Variants in SPHKAP observed in about 807,000 individuals in gnomAD.
SPHKAP encodes the protein A-kinase anchor protein SPHKAP.
A neutral mutation model predicts 137.5 loss-of-function variants in SPHKAP; 67 were observed. That is an observed-to-expected ratio of 0.49 (90% confidence interval 0.40 to 0.60). The LOEUF is 0.60. Ranked by LOEUF, SPHKAP falls within the 20% of genes least tolerant of loss-of-function variation. The pLI is 0.00. For synonymous variants in SPHKAP, 813 were observed against 785.3 expected (o/e 1.04, Z -0.59); for missense variants, 2,097 against 2,069.3 (o/e 1.01, Z -0.26).
intron 1 of SPHKAP, among the ~76,000 whole-genome samples, chr2:228,140,447 T>C (rs188184278): frequency 1.3e-5 from 2 of 152,282 alleles, no homozygotes; most frequent in African/African-American, 2.4e-5. Flanking sequence ...GATACTCTGA[T>C]ATATGATCTT....
rs1002327483 is a variant in SPHKAP, at chr2:227,991,157, G to C, written c.4802C>G (p.Thr1601Arg). ...CAGCAGGCTCCTCTGGGGGCTGGCT[G>C]TTCCCGTAGGCGGTCCAGATGCAGG... is the stretch of plus-strand genomic sequence containing the variant. ...EAPASGPPTG[T>R]ASPQRSLLVI... Residue 1601 changes from threonine to arginine, a missense_variant, in exon 11 of 12, where the codon ACA becomes AGA. Coordinates refer to ENST00000392056, the MANE Select transcript of SPHKAP (RefSeq NM_001142644.2). 9 of 1,614,080 alleles carry C rather than the reference G, an allele frequency of 5.6e-6. No homozygotes were observed. The highest frequency in any genetic ancestry group is 5.5e-5 in the South Asian group (5 of 91,078).
At chr2:228,070,022 C>T (rs745379090) in intron 3 of SPHKAP, among the ~76,000 whole-genome samples, 6 of 152,160 alleles carry the variant, frequency 3.9e-5, no homozygotes, top group Non-Finnish European at 7.3e-5. Context: ...AAAAGGGGGA[C>T]TTATCTGTCC....
At chr2:228,013,079 T>C (rs138052923) in intron 7 of SPHKAP, among the ~76,000 whole-genome samples, 1 of 152,214 alleles carries the variant, frequency 6.6e-6, no homozygotes, top group East Asian at 1.9e-4. Flanking sequence ...TGTTTGTGTA[T>C]AAGGGAGTAG....
intron 3 of SPHKAP, among the ~76,000 whole-genome samples, chr2:228,062,988 A>C (rs1302142124): frequency 2.6e-5 from 4 of 152,230 alleles, no homozygotes. Flanking sequence ...TATTGAGTAC[A>C]GAAGAAATTA....
intron 3 of SPHKAP, among the ~76,000 whole-genome samples, chr2:228,031,828 C>G (rs187966137): frequency 2.6e-4 from 40 of 152,348 alleles, no homozygotes; most frequent in African/African-American, 8.9e-4. Context: ...AGGGTCCTGT[C>G]TGCTAGAAGG....
intron 1 of SPHKAP, among the ~76,000 whole-genome samples, chr2:228,176,374 T>G (rs547746161): frequency 8.5e-5 from 13 of 152,112 alleles, no homozygotes; most frequent in African/African-American, 3.1e-4. Context: ...CAAGGGAGAG[T>G]CCCTGCTACA....
chr2:227,982,280 C>G, intron 11 of SPHKAP: 1 of 985,202 alleles, frequency 1.0e-6, no homozygotes, highest in Non-Finnish European at 1.2e-6. Flanking sequence ...AAATTTAGGC[C>G]AAATAAATCA....
intron 2 of SPHKAP, among the ~76,000 whole-genome samples, chr2:228,113,774 G>A (rs1698606969): frequency 6.6e-6 from 1 of 151,850 alleles, no homozygotes; most frequent in Non-Finnish European, 1.5e-5. Flanking sequence ...TGATCTGAAG[G>A]CCACTTCTAT....
intron 1 of SPHKAP, among the ~76,000 whole-genome samples, chr2:228,144,304 C>G (rs1699698114): frequency 6.6e-6 from 1 of 152,158 alleles, no homozygotes; most frequent in African/African-American, 2.4e-5. Context: ...TCCTTGTGTG[C>G]TCCCACCCCA....
chr2:228,043,415 C>T (rs1474205973), intron 3 of SPHKAP, among the ~76,000 whole-genome samples: 1 of 152,224 alleles, frequency 6.6e-6, no homozygotes, highest in Non-Finnish European at 1.5e-5. Context: ...CAACCTCTGC[C>T]TTCCAAGTTC....
intron 3 of SPHKAP, among the ~76,000 whole-genome samples, chr2:228,069,936 C>G (rs1375596477): frequency 6.6e-6 from 1 of 152,182 alleles, no homozygotes; most frequent in Non-Finnish European, 1.5e-5. Context: ...GTGCTGCCCC[C>G]ACCTCACTGT....
chr2:228,118,240 G>GTTTTTTTTTTTTTTTTTTTT (rs71299665), intron 2 of SPHKAP, among the ~76,000 whole-genome samples: 1 of 124,146 alleles, frequency 8.1e-6, no homozygotes. Flanking sequence ...GAGATACACA[G>GTTTTTTTTTTTTTTTTTTTT]TTTTTTTTTT....
At chr2:228,110,845 C>A (rs1025414505) in intron 2 of SPHKAP, among the ~76,000 whole-genome samples, 1 of 151,862 alleles carries the variant, frequency 6.6e-6, no homozygotes, top group African/African-American at 2.4e-5. Flanking sequence ...AAATATTTTT[C>A]TTAAAAATAT....
At chr2:228,033,470 C>G (rs889192318) in intron 3 of SPHKAP, among the ~76,000 whole-genome samples, 1 of 152,094 alleles carries the variant, frequency 6.6e-6, no homozygotes, top group African/African-American at 2.4e-5. Context: ...GACAGATCAA[C>G]GAGACAGAAA....
intron 7 of SPHKAP, among the ~76,000 whole-genome samples, chr2:228,013,602 C>T (rs1694466786): frequency 6.6e-6 from 1 of 152,196 alleles, no homozygotes; most frequent in Non-Finnish European, 1.5e-5. Context: ...TATACCCTAA[C>T]TCCAAACAGC....
chr2:228,123,172 C>T (rs548292869), intron 2 of SPHKAP, among the ~76,000 whole-genome samples: 15 of 152,296 alleles, frequency 9.8e-5, no homozygotes, highest in Admixed American at 3.9e-4. Context: ...CTCTTGAAAA[C>T]GATCAGATTA....
intron 1 of SPHKAP, among the ~76,000 whole-genome samples, chr2:228,154,444 A>G (rs1700033043): frequency 1.5e-5 from 2 of 136,926 alleles, no homozygotes. Flanking sequence ...AGTCAATATT[A>G]CTTATTAAAT....
Position 227,991,114 on chromosome 2 carries a change from C to T in SPHKAP, c.4845G>A (p.Leu1615=). ...QRSLLVINFD[L]EPECPDAELR... The stretch of plus-strand genomic sequence containing the variant: ...GCTCGGCATCTGGACACTCTGGCTC[C>T]AGGTCAAAGTTGATCACCAGCAGGC... The change falls in exon 11 of 12, where the codon CTG becomes CTA. Residue 1615 remains leucine (L), a synonymous_variant. Transcript: ENST00000392056. 4 of 1,614,108 alleles carry T rather than the reference C, an allele frequency of 2.5e-6. No homozygotes were observed. The highest frequency in any genetic ancestry group is 3.4e-6 in the Non-Finnish European group (4 of 1,180,016).
At chr2:228,037,251 AC>A (rs1400651379) in intron 3 of SPHKAP, among the ~76,000 whole-genome samples, 11 of 152,324 alleles carry the variant, frequency 7.2e-5, no homozygotes, top group African/African-American at 2.6e-4. Context: ...TCAATGCTGT[AC>A]TATCAAATGA....
Sources: allele counts gnomAD v4.1 joint callset (sites outside exome capture counted in the v4.1 genomes callset), GRCh38; gene constraint gnomAD v4.1.1; transcripts MANE v1.5; gene names NCBI Gene and HGNC (gene_info 2026-07-23, HGNC 2026-07-21).